The following ERP44 variants were observed in gnomAD, a reference collection of about 807,000 sequenced individuals.
ERP44 encodes the protein endoplasmic reticulum protein 44.
ERP44 carries 25 observed loss-of-function variants against 53.4 expected under a neutral mutation model. That is an observed-to-expected ratio of 0.47 (90% CI 0.34 to 0.65). The LOEUF (loss-of-function observed/expected upper bound fraction) is 0.65, where lower values mean the gene tolerates loss of function less well. Ranked by LOEUF, ERP44 falls within the 30% of genes least tolerant of loss-of-function variation. The pLI is 0.01. For missense variants in ERP44, 338 were observed against 493.2 expected (o/e 0.69, Z 2.98); for synonymous variants, 145 against 161.2 (o/e 0.90, Z 0.76).
At chr9:100,000,659 G>T (rs962436374) in intron 10 of ERP44, among the ~76,000 whole-genome samples, 3 of 152,012 alleles carry the variant, frequency 2.0e-5, no homozygotes, top group Non-Finnish European at 4.4e-5. Context: ...TTAATTTGTT[G>T]ACATAATTAT....
chr9:100,040,077 A>T (rs989560847), intron 4 of ERP44, among the ~76,000 whole-genome samples: 2 of 152,296 alleles, frequency 1.3e-5, no homozygotes, highest in Non-Finnish European at 2.9e-5. Flanking sequence ...TTCACTGCTG[A>T]ATCCTCCCAA....
chr9:100,032,057 G>A (rs1825796987), intron 4 of ERP44, among the ~76,000 whole-genome samples: 1 of 152,160 alleles, frequency 6.6e-6, no homozygotes, highest in African/African-American at 2.4e-5. Flanking sequence ...TAGAAGGTAT[G>A]AAAATGTCCT....
intron 4 of ERP44, among the ~76,000 whole-genome samples, chr9:100,049,578 A>T (rs570976779): frequency 1.3e-5 from 2 of 152,320 alleles, no homozygotes; most frequent in East Asian, 3.9e-4. Flanking sequence ...CTTCACACAT[A>T]TTGGAATATG....
At chr9:100,084,184 G>A (rs559972043) in intron 1 of ERP44, among the ~76,000 whole-genome samples, 3 of 152,296 alleles carry the variant, frequency 2.0e-5, no homozygotes, top group East Asian at 3.9e-4. Flanking sequence ...CACTTAAAAA[G>A]TTAAATCATG....
chr9:100,090,102 A>G (rs1016112707), intron 1 of ERP44, among the ~76,000 whole-genome samples: 16 of 152,344 alleles, frequency 1.1e-4, no homozygotes, highest in Middle Eastern at 3.4e-3. Context: ...TGCTATTTAG[A>G]AAGTTTGAGG....
At chr9:100,092,077 T>C (rs187014496) in intron 1 of ERP44, among the ~76,000 whole-genome samples, 2 of 152,324 alleles carry the variant, frequency 1.3e-5, no homozygotes, top group African/African-American at 4.8e-5. Context: ...TTTCAAATGA[T>C]AGGCAGAAAA....
chr9:100,098,650 A>T, intron 1 of ERP44, 134 bp downstream of exon 1: 1 of 680,412 alleles, frequency 1.5e-6, no homozygotes, highest in Non-Finnish European at 2.5e-6. Flanking sequence ...GAGTGAGGGC[A>T]GCGGGGGAGG....
chr9:100,061,614 A>C (rs1826151525), intron 1 of ERP44, among the ~76,000 whole-genome samples: 1 of 147,100 alleles, frequency 6.8e-6, no homozygotes, highest in South Asian at 2.1e-4. Context: ...ATATTTATAG[A>C]AATATATATA....
chr9:100,024,765 GTAAT>G (rs1339268307), intron 4 of ERP44, among the ~76,000 whole-genome samples: 1 of 152,112 alleles, frequency 6.6e-6, no homozygotes, highest in Non-Finnish European at 1.5e-5. Flanking sequence ...ATAAAACTGA[GTAAT>G]TAAGTAAAAA....
intron 10 of ERP44, among the ~76,000 whole-genome samples, chr9:99,996,606 T>G (rs1462651474): frequency 2.6e-5 from 4 of 152,134 alleles, no homozygotes; most frequent in African/African-American, 9.7e-5. Context: ...AGTGGTGACT[T>G]GTGAGATTTT....
chr9:100,027,021 A>G (rs1389096880), intron 4 of ERP44, among the ~76,000 whole-genome samples: 2 of 152,246 alleles, frequency 1.3e-5, no homozygotes, highest in Non-Finnish European at 1.5e-5. Flanking sequence ...GCAAGTATGC[A>G]TAAACCAGGA....
At chr9:100,045,507 G>A (rs890898126) in intron 4 of ERP44, among the ~76,000 whole-genome samples, 2 of 152,128 alleles carry the variant, frequency 1.3e-5, no homozygotes, top group African/African-American at 2.4e-5. Context: ...GTAATGCGTC[G>A]TGGTAAAGAT....
intron 2 of ERP44, among the ~76,000 whole-genome samples, chr9:100,059,440 CT>C (rs1278073555): frequency 6.6e-6 from 1 of 152,176 alleles, no homozygotes; most frequent in Non-Finnish European, 1.5e-5. Flanking sequence ...AAACCCAGCA[CT>C]TTGGGAGGCC....
At chr9:100,094,815 T>A (rs1436590921) in intron 1 of ERP44, among the ~76,000 whole-genome samples, 1 of 139,068 alleles carries the variant, frequency 7.2e-6, no homozygotes, top group Non-Finnish European at 1.6e-5. Flanking sequence ...TTAAAAAAAA[T>A]TAGCCAGGTG....
chr9:100,079,770 C>G (rs1428734343), intron 1 of ERP44, among the ~76,000 whole-genome samples: 1 of 151,880 alleles, frequency 6.6e-6, no homozygotes, highest in Non-Finnish European at 1.5e-5. Flanking sequence ...CCCTCTCTCA[C>G]TGTAAACATA....
At chr9:100,022,480 T>C (rs1564091824) in intron 4 of ERP44, among the ~76,000 whole-genome samples, 1 of 152,244 alleles carries the variant, frequency 6.6e-6, no homozygotes, top group Admixed American at 6.5e-5. Context: ...AAACTCTCCA[T>C]GCCTTAGTTC....
At chr9:100,028,949 T>C (rs1432308493) in intron 4 of ERP44, among the ~76,000 whole-genome samples, 2 of 152,216 alleles carry the variant, frequency 1.3e-5, no homozygotes, top group Non-Finnish European at 2.9e-5. Context: ...TTAAAATCTA[T>C]TTCTGAGTCT....
chr9:100,012,165 G>T (rs964362256), intron 8 of ERP44, among the ~76,000 whole-genome samples: 3 of 152,082 alleles, frequency 2.0e-5, no homozygotes, highest in Admixed American at 6.5e-5. Context: ...AAAGGCTTGT[G>T]TTAGAATTTT....
chr9:100,090,636 C>A (rs1483309269), intron 1 of ERP44, among the ~76,000 whole-genome samples: 1 of 151,948 alleles, frequency 6.6e-6, no homozygotes, highest in Non-Finnish European at 1.5e-5. Flanking sequence ...GTAATCCCAG[C>A]TACCTGGGAG....
Sources: allele counts gnomAD v4.1 joint callset (sites outside exome capture counted in the v4.1 genomes callset), GRCh38; gene constraint gnomAD v4.1.1; transcripts MANE v1.5; gene names NCBI Gene and HGNC (gene_info 2026-07-23, HGNC 2026-07-21).